Variants in SGCD observed in about 807,000 individuals in gnomAD.
The protein encoded by SGCD is sarcoglycan delta.
In SGCD, 18 loss-of-function variants were observed where a neutral mutation model predicts 36.6. The observed-to-expected ratio is 0.49, with a 90% CI of 0.34 to 0.73. SGCD has a LOEUF of 0.73. Ranked by LOEUF, SGCD falls within the 30% of genes least tolerant of loss-of-function variation. The probability of loss-of-function intolerance (pLI) is 0.01; values close to 1 mark genes in which losing one functional copy is unlikely to be tolerated. For synonymous variants in SGCD, 133 were observed against 130.6 expected, an observed-to-expected ratio of 1.02 and a Z score of -0.12; for missense variants, 387 against 346.7, an observed-to-expected ratio of 1.12 and a Z score of -0.92.
At chr5:156,017,192 C>T (rs1014480128) in intron 1 of SGCD, among the ~76,000 whole-genome samples, 1 of 152,130 alleles carries the variant, frequency 6.6e-6, no homozygotes, top group African/African-American at 2.4e-5. Flanking sequence ...AAGTGTCTTG[C>T]CTGCTTTTCT....
chr5:156,155,248 C>T (rs1039410866), intron 3 of SGCD, among the ~76,000 whole-genome samples: 2 of 151,248 alleles, frequency 1.3e-5, no homozygotes, highest in Non-Finnish European at 2.9e-5. Context: ...TTTAAATGGT[C>T]ATAGATATTA....
In SGCD at chr5:156,759,990, C is replaced by T. The variant is rs141248473; in HGVS notation, c.*600C>T. On this transcript the variant is annotated 3_prime_UTR_variant, in exon 9 of 9. Transcript: ENST00000337851. ...GTAGGAATTCAAAATGGCTGGCCTA[C>T]CTTGGCTACCAGACATATTGGGGTT... The T allele has an allele frequency of 2.4e-4, 36 of 152,240 alleles. No individual in the cohort carries two copies. Among genetic ancestry groups the T allele is most frequent in the African/African-American group, 8.2e-4 (34 of 41,544 alleles). 9.4% of individuals were successfully genotyped at this position (152,240 alleles called of 1,614,324 possible).
intron 4 of SGCD, among the ~76,000 whole-genome samples, chr5:156,528,174 T>G (rs1198465782): frequency 1.3e-5 from 2 of 152,196 alleles, no homozygotes; most frequent in African/African-American, 4.8e-5. Context: ...GAATCTTTGC[T>G]CCACCATTTA....
intron 7 of SGCD, among the ~76,000 whole-genome samples, chr5:156,725,041 C>G (rs994687118): frequency 5.9e-5 from 9 of 152,186 alleles, no homozygotes; most frequent in African/African-American, 2.2e-4. Context: ...TAGGTAGTGA[C>G]TAAGGGTGGC....
At chr5:156,274,615 C>T (rs1166346777) in intron 3 of SGCD, among the ~76,000 whole-genome samples, 5 of 152,120 alleles carry the variant, frequency 3.3e-5, no homozygotes, top group African/African-American at 9.7e-5. Context: ...GTTATCATAA[C>T]AAATGACTAA....
chr5:155,970,874 C>T (rs889190309), intron 1 of SGCD, among the ~76,000 whole-genome samples: 1 of 152,096 alleles, frequency 6.6e-6, no homozygotes, highest in Non-Finnish European at 1.5e-5. Flanking sequence ...GTGATTTCAC[C>T]AAACAGGATT....
intron 4 of SGCD, among the ~76,000 whole-genome samples, chr5:156,548,600 G>T (rs1431559802): frequency 1.3e-5 from 2 of 152,092 alleles, no homozygotes; most frequent in East Asian, 3.9e-4. Context: ...TCTTCACCAA[G>T]TCACTTTTCC....
At chr5:156,189,597 C>T (rs921431633) in intron 3 of SGCD, among the ~76,000 whole-genome samples, 7 of 152,022 alleles carry the variant, frequency 4.6e-5, no homozygotes, top group South Asian at 2.1e-4. Flanking sequence ...AAGGCTTGTC[C>T]ATCAGAACAC....
chr5:155,963,369 A>G (rs556157828), intron 1 of SGCD, among the ~76,000 whole-genome samples: 2 of 152,262 alleles, frequency 1.3e-5, no homozygotes, highest in East Asian at 3.9e-4. Flanking sequence ...ATATCTCCCC[A>G]TGTCACTTAC....
At chr5:156,402,991 C>T (rs74980010) in intron 3 of SGCD, among the ~76,000 whole-genome samples, 2,081 of 152,254 alleles carry the variant, frequency 0.014, 21 homozygotes, top group Non-Finnish European at 0.023. Context: ...ATTTGATAGC[C>T]GCGGTCTTTT....
chr5:156,575,403 A>G (rs549064056), intron 4 of SGCD, among the ~76,000 whole-genome samples: 20 of 152,320 alleles, frequency 1.3e-4, no homozygotes, highest in African/African-American at 4.6e-4. Context: ...TTAAACTTAC[A>G]GCTTAGACTA....
chr5:156,349,153 G>C (rs550107368), intron 3 of SGCD, among the ~76,000 whole-genome samples: 1 of 152,024 alleles, frequency 6.6e-6, no homozygotes, highest in Non-Finnish European at 1.5e-5. Flanking sequence ...AAAAATTCTA[G>C]AAAGAAAAAC....
intron 1 of SGCD, among the ~76,000 whole-genome samples, chr5:155,995,048 C>T (rs954466781): frequency 1.9e-4 from 29 of 152,132 alleles, no homozygotes; most frequent in African/African-American, 7.0e-4. Context: ...CTGAAAAGGC[C>T]CACGGGCCCT....
chr5:155,877,840 A>G (rs1755797691), intron 1 of SGCD, among the ~76,000 whole-genome samples: 1 of 152,124 alleles, frequency 6.6e-6, no homozygotes, highest in African/African-American at 2.4e-5. Flanking sequence ...AGAGCCTTCA[A>G]TATGATAATA....
At chr5:156,201,697 A>G (rs1203308584) in intron 3 of SGCD, among the ~76,000 whole-genome samples, 3 of 151,422 alleles carry the variant, frequency 2.0e-5, no homozygotes, top group Non-Finnish European at 4.4e-5. Flanking sequence ...GCAGGAGGGA[A>G]GAGGACAAGC....
At chr5:156,464,041 C>A (rs527761930) in intron 3 of SGCD, among the ~76,000 whole-genome samples, 7 of 152,178 alleles carry the variant, frequency 4.6e-5, no homozygotes, top group Admixed American at 2.0e-4. Context: ...GTGCCAAGTA[C>A]CGTGCTCAAT....
intron 1 of SGCD, among the ~76,000 whole-genome samples, chr5:155,892,555 C>T (rs1335975584): frequency 6.6e-6 from 1 of 151,356 alleles, no homozygotes; most frequent in African/African-American, 2.4e-5. Context: ...TGAGAATCAG[C>T]TCCAGCCATT....
At chr5:155,908,871 G>A (rs897740915) in intron 1 of SGCD, among the ~76,000 whole-genome samples, 6 of 152,086 alleles carry the variant, frequency 3.9e-5, no homozygotes, top group Admixed American at 6.6e-5. Flanking sequence ...TTCAAAAAGC[G>A]CAATCTACCT....
At chr5:156,570,401 T>A (rs563119562) in intron 4 of SGCD, among the ~76,000 whole-genome samples, 7 of 152,350 alleles carry the variant, frequency 4.6e-5, no homozygotes, top group African/African-American at 1.7e-4. Context: ...GCAGAATCTA[T>A]CATTTTCTAA....
Sources: gnomAD v4.1 joint callset for allele counts (sites outside exome capture counted in the v4.1 genomes callset) on GRCh38, gnomAD v4.1.1 for gene constraint, MANE v1.5 for transcripts, NCBI Gene and HGNC (gene_info 2026-07-23, HGNC 2026-07-21) for gene names.